Variants in ZBTB20 observed in about 807,000 individuals in gnomAD.
The protein encoded by ZBTB20 is zinc finger and BTB domain-containing protein 20.
In ZBTB20, 9 loss-of-function variants were observed where a neutral mutation model predicts 56.9. The ratio of observed to expected loss-of-function variants is 0.16; its 90% CI spans 0.10 to 0.28. The LOEUF (loss-of-function observed/expected upper bound fraction) is 0.28. ZBTB20 is among the 10% of genes least tolerant of loss of function. The pLI, the probability that ZBTB20 is intolerant of heterozygous loss-of-function variation, is 1.00. For missense variants in ZBTB20, 655 were observed against 1,003.0 expected (o/e 0.65, Z 4.69); for synonymous variants, 417 against 420.7 (o/e 0.99, Z 0.11).
At position 114,764,891 on chromosome 3, in the gene ZBTB20, G is replaced by C. The variant is rs148182578; in HGVS notation, c.-343+36210C>G. On this transcript the variant is annotated intron_variant, in intron 5 of 11. Coordinates refer to ENST00000675478, the MANE Select transcript of ZBTB20 (RefSeq NM_001348800.3). ...GAAATGCCATAAGGTACACGCTGTTGCCCAAATACATCATTACTTACCAAG... is the reference window on the plus strand; with the variant it reads ...GAAATGCCATAAGGTACACGCTGTTCCCCAAATACATCATTACTTACCAAG... 4.2e-3 allele frequency among the ~76,000 whole-genome samples: 639 copies of C among 152,264 alleles called. 2 individuals carry two copies. The highest frequency in any genetic ancestry group is 0.031 in the Middle Eastern group (9 of 294).
chr3:114,625,390 C>T (rs1247808672), intron 6 of ZBTB20, among the ~76,000 whole-genome samples: 1 of 152,126 alleles, frequency 6.6e-6, no homozygotes, highest in Admixed American at 6.5e-5. Flanking sequence ...GAAATGGTGA[C>T]TTCCTATATA....
chr3:114,872,048 T>G (rs1397541531), intron 4 of ZBTB20, among the ~76,000 whole-genome samples: 1 of 152,120 alleles, frequency 6.6e-6, no homozygotes, highest in Non-Finnish European at 1.5e-5. Context: ...AAGTACCCTT[T>G]TTAAATAAGC....
chr3:115,131,187 CTTTCA>C (rs1352274551), intron 1 of ZBTB20, among the ~76,000 whole-genome samples: 2 of 151,812 alleles, frequency 1.3e-5, no homozygotes, highest in Admixed American at 1.3e-4. Flanking sequence ...TGCTCCTCTC[CTTTCA>C]TATTTCCTCT....
chr3:114,812,365 T>A (rs1242837019), intron 4 of ZBTB20, among the ~76,000 whole-genome samples: 1 of 152,012 alleles, frequency 6.6e-6, no homozygotes, highest in Non-Finnish European at 1.5e-5. Context: ...GTTCTCCAAG[T>A]CCCCACCAGA....
At chr3:114,801,633 G>A (rs2108842581) in intron 4 of ZBTB20, among the ~76,000 whole-genome samples, 1 of 152,018 alleles carries the variant, frequency 6.6e-6, no homozygotes, top group Non-Finnish European at 1.5e-5. Flanking sequence ...AAATGGAATT[G>A]TAAGAAATGC....
chr3:114,345,223 G>C (rs2080094886), intron 11 of ZBTB20, among the ~76,000 whole-genome samples: 1 of 152,182 alleles, frequency 6.6e-6, no homozygotes, highest in South Asian at 2.1e-4. Flanking sequence ...TTGACCAAAT[G>C]AATGGGCATG....
At chr3:115,011,743 TACACAGAACA>T (rs1355446513) in intron 2 of ZBTB20, among the ~76,000 whole-genome samples, 2 of 151,872 alleles carry the variant, frequency 1.3e-5, no homozygotes, top group Non-Finnish European at 2.9e-5. Flanking sequence ...TAATAGTAAA[TACACAGAACA>T]ACACAGAACA....
At chr3:114,643,229 T>A (rs983631852) in intron 6 of ZBTB20, among the ~76,000 whole-genome samples, 4 of 152,174 alleles carry the variant, frequency 2.6e-5, no homozygotes, top group African/African-American at 9.6e-5. Flanking sequence ...TGGAACATGC[T>A]TACTCCTTCA....
intron 7 of ZBTB20, among the ~76,000 whole-genome samples, chr3:114,493,456 C>T (rs2042954973): frequency 6.6e-6 from 1 of 152,294 alleles, no homozygotes; most frequent in African/African-American, 2.4e-5. Context: ...TAAGTTTGCT[C>T]CTCTACTGTC....
intron 2 of ZBTB20, among the ~76,000 whole-genome samples, chr3:115,064,546 G>A (rs1379036721): frequency 1.3e-5 from 2 of 149,602 alleles, no homozygotes; most frequent in Admixed American, 6.7e-5. Context: ...CCGCCTCCCG[G>A]GTTCAAGTGA....
intron 6 of ZBTB20, among the ~76,000 whole-genome samples, chr3:114,693,185 A>G (rs1433782140): frequency 6.6e-6 from 1 of 152,142 alleles, no homozygotes; most frequent in African/African-American, 2.4e-5. Flanking sequence ...CTTTGGAAAT[A>G]TATCTCTCTG....
At chr3:115,124,945 AAC>A (rs973495828) in intron 1 of ZBTB20, among the ~76,000 whole-genome samples, 72 of 152,216 alleles carry the variant, frequency 4.7e-4, no homozygotes, top group African/African-American at 1.6e-3. Context: ...AACATAGGTA[AAC>A]ACGAGTTTAC....
chr3:114,790,648 T>G (rs1225714678), intron 5 of ZBTB20, among the ~76,000 whole-genome samples: 6 of 151,942 alleles, frequency 3.9e-5, no homozygotes, highest in African/African-American at 1.5e-4. Context: ...TTACACAGGA[T>G]GCTCAACAAA....
At chr3:114,933,384 C>G in intron 3 of ZBTB20, among the ~76,000 whole-genome samples, 1 of 152,182 alleles carries the variant, frequency 6.6e-6, no homozygotes, top group East Asian at 1.9e-4. Flanking sequence ...TCACAGTTAT[C>G]CCATGTGAAG....
In ZBTB20 at chr3:114,335,540, G is replaced by T. The variant is rs2079424576; in HGVS notation, c.*3465C>A. Reference sequence around the variant, plus strand: ...TATTTCCTAAAATGTGGGTCAGTTTGGAAAGTGGCCATTTGATGGGCCAGG... The same window carrying T: ...TATTTCCTAAAATGTGGGTCAGTTTTGAAAGTGGCCATTTGATGGGCCAGG... On this transcript the variant is annotated 3_prime_UTR_variant, in exon 12 of 12. Coordinates refer to ENST00000675478, the MANE Select transcript of ZBTB20 (RefSeq NM_001348800.3). 2.0e-5 allele frequency: 3 copies of T among 152,152 alleles called. No individual in the cohort carries two copies. 9.4% of individuals were successfully genotyped at this position (152,152 alleles called of 1,614,324 possible). A position where few individuals can be genotyped will look rare whatever the true frequency, so the allele number is the denominator to read the frequency against.
intron 1 of ZBTB20, among the ~76,000 whole-genome samples, chr3:115,109,418 C>A (rs1055748250): frequency 3.3e-5 from 5 of 152,122 alleles, no homozygotes; most frequent in Non-Finnish European, 7.4e-5. Context: ...TTCCAAAATA[C>A]AAAAGTTGCT....
At chr3:114,676,550 G>C (rs1039898940) in intron 6 of ZBTB20, among the ~76,000 whole-genome samples, 5 of 151,870 alleles carry the variant, frequency 3.3e-5, no homozygotes, top group African/African-American at 1.2e-4. Flanking sequence ...CTCGTGTAGG[G>C]GTTCCCAAAT....
chr3:114,659,199 T>G (rs1443321783), intron 6 of ZBTB20, among the ~76,000 whole-genome samples: 1 of 152,240 alleles, frequency 6.6e-6, no homozygotes, highest in African/African-American at 2.4e-5. Flanking sequence ...CTGTGGCTCC[T>G]GGCAGTGTTC....
chr3:115,060,542 A>AT, intron 2 of ZBTB20, among the ~76,000 whole-genome samples: 1 of 152,286 alleles, frequency 6.6e-6, no homozygotes, highest in East Asian at 1.9e-4. Context: ...ATACTAAGCA[A>AT]TTAAGTTCTT....
Sources: allele counts gnomAD v4.1 joint callset (sites outside exome capture counted in the v4.1 genomes callset), GRCh38; gene constraint gnomAD v4.1.1; transcripts MANE v1.5; gene names NCBI Gene and HGNC (gene_info 2026-07-23, HGNC 2026-07-21).